Variants in SFMBT2 observed in about 807,000 individuals in gnomAD.
SFMBT2 encodes scm-like with four MBT domains protein 2.
A neutral mutation model predicts 110.1 loss-of-function variants in SFMBT2; 38 were observed. The ratio of observed to expected loss-of-function variants is 0.35; its 90% CI spans 0.27 to 0.45. The LOEUF (loss-of-function observed/expected upper bound fraction) is 0.45, where lower values mean the gene tolerates loss of function less well. Among genes scored for constraint, SFMBT2 ranks in the 20% least tolerant of loss-of-function variants. The probability of loss-of-function intolerance (pLI) is 1.00; values close to 1 mark genes in which losing one functional copy is unlikely to be tolerated. For synonymous variants in SFMBT2, 425 were observed against 425.4 expected (o/e 1.00, Z 0.01); for missense variants, 1,011 against 1,094.9 (o/e 0.92, Z 1.08).
intron 2 of SFMBT2, among the ~76,000 whole-genome samples, chr10:7,372,000 C>T (rs966072067): frequency 2.1e-5 from 3 of 143,404 alleles, no homozygotes; most frequent in Admixed American, 7.4e-5. Context: ...GATCTCAGCT[C>T]ACTACAACCT....
At chr10:7,202,722 T>C (rs2131605760) in intron 12 of SFMBT2, 200 bp from the exon 13 acceptor site, 1 of 985,442 alleles carries the variant, frequency 1.0e-6, no homozygotes, top group Non-Finnish European at 1.2e-6. Context: ...TGTCAGATCT[T>C]AGTACAACTT....
intron 11 of SFMBT2, chr10:7,206,780 A>G (rs1839150223): frequency 2.3e-6 from 2 of 860,750 alleles, no homozygotes; most frequent in Non-Finnish European, 2.8e-6. Flanking sequence ...GAACTAGTTA[A>G]AAGAAGAAAA....
chr10:7,403,529 C>T (rs1008100763), intron 1 of SFMBT2, among the ~76,000 whole-genome samples: 1 of 152,112 alleles, frequency 6.6e-6, no homozygotes, highest in African/African-American at 2.4e-5. Flanking sequence ...GTAGTTCCAG[C>T]TACTTGGGAG....
intron 15 of SFMBT2, among the ~76,000 whole-genome samples, chr10:7,193,940 G>A (rs79321762): frequency 0.062 from 9,415 of 152,230 alleles, 397 homozygotes; most frequent in Non-Finnish European, 0.088. Context: ...GGTTGGGGTA[G>A]AAGGATTTGG....
chr10:7,363,484 G>A (rs897772791), intron 4 of SFMBT2, among the ~76,000 whole-genome samples: 2 of 152,078 alleles, frequency 1.3e-5, no homozygotes, highest in Non-Finnish European at 2.9e-5. Flanking sequence ...GAGTAGCTGG[G>A]ATTACAGGCA....
At chr10:7,330,957 GCTA>G (rs1843544444) in intron 4 of SFMBT2, among the ~76,000 whole-genome samples, 1 of 152,202 alleles carries the variant, frequency 6.6e-6, no homozygotes, top group South Asian at 2.1e-4. Context: ...TTCAAGCCCA[GCTA>G]CTGTCCAGCT....
chr10:7,198,207 T>C (rs1352795218), intron 14 of SFMBT2: 4 of 940,916 alleles, frequency 4.3e-6, no homozygotes, highest in Admixed American at 6.2e-5. Flanking sequence ...TTCTGAGATA[T>C]ATCCAAGTTG....
At chr10:7,276,823 G>C in intron 7 of SFMBT2, 69 bp downstream of exon 7, 2 of 796,476 alleles carry the variant, frequency 2.5e-6, no homozygotes, top group Non-Finnish European at 4.6e-6. Context: ...ACTGCGCCCG[G>C]CCGGAAAACT....
rs1038844886 is a variant in SFMBT2 at position 7,171,541 on chromosome 10, C to T, written c.2415+354G>A. The T allele has an allele frequency of 1.0e-5, 10 of 985,210 alleles. No homozygotes were observed. The highest frequency in any genetic ancestry group is 6.2e-5 in the Admixed American group (1 of 16,258). 61.0% of individuals were successfully genotyped at this position (985,210 alleles called of 1,614,324 possible). On this transcript the variant is annotated intron_variant, in intron 19 of 20. Coordinates refer to ENST00000397167, the MANE Select transcript of SFMBT2 (RefSeq NM_001387889.1). This position sits in a 1 kb window ranked among gnomAD's most constrained non-coding sequence, Gnocchi z 4.9. ...TCACAGAGGTGTCCTATAGAGGGGA[C>T]GTGGGAGCAAGACACAGCGCAGTCA...
At chr10:7,197,805 G>T (rs1188954000) in intron 14 of SFMBT2, 118 bp from the exon 15 acceptor site, 1 of 1,369,248 alleles carries the variant, frequency 7.3e-7, no homozygotes, top group South Asian at 1.7e-5. Flanking sequence ...GCTGTCCGAG[G>T]TCTTGGCTGA....
chr10:7,327,052 C>T (rs1005828299), intron 4 of SFMBT2, among the ~76,000 whole-genome samples: 8 of 150,680 alleles, frequency 5.3e-5, no homozygotes, highest in Middle Eastern at 3.4e-3. Flanking sequence ...GTCCTTCATA[C>T]GAGGGACTTT....
chr10:7,391,465 CA>C (rs1197734483), intron 1 of SFMBT2, among the ~76,000 whole-genome samples: 1,292 of 81,202 alleles, frequency 0.016, 14 homozygotes, highest in African/African-American at 0.043. Context: ...GACTCTGTCT[CA>C]AAAAAAAAAA....
chr10:7,392,965 T>C (rs1845809742), intron 1 of SFMBT2, among the ~76,000 whole-genome samples: 2 of 139,992 alleles, frequency 1.4e-5, no homozygotes, highest in African/African-American at 5.1e-5. Flanking sequence ...ATCCTATATA[T>C]ACAAGTATGT....
chr10:7,286,458 A>G, intron 4 of SFMBT2: 1 of 701,262 alleles, frequency 1.4e-6, no homozygotes, highest in Non-Finnish European at 1.8e-6. Context: ...AAATGGGGAG[A>G]ATAAGTAGTC....
At chr10:7,246,821 C>G (rs542135035) in intron 8 of SFMBT2, among the ~76,000 whole-genome samples, 21 of 150,644 alleles carry the variant, frequency 1.4e-4, no homozygotes, top group Admixed American at 1.3e-3. Flanking sequence ...GGTGAAGCGA[C>G]TCTGTAGCGT....
At chr10:7,180,079 T>C (rs1341044199) in intron 16 of SFMBT2, among the ~76,000 whole-genome samples, 1 of 151,936 alleles carries the variant, frequency 6.6e-6, no homozygotes, top group Non-Finnish European at 1.5e-5. Context: ...TTGCCCCACC[T>C]GCTGGGAGAA....
At chr10:7,207,060 T>G in intron 11 of SFMBT2, 1 of 237,970 alleles carries the variant, frequency 4.2e-6, no homozygotes, top group Non-Finnish European at 6.8e-6. Flanking sequence ...ACCTCATCTC[T>G]ACAAAAAATA....
intron 4 of SFMBT2, among the ~76,000 whole-genome samples, chr10:7,333,482 T>A (rs1208400244): frequency 6.6e-6 from 1 of 151,316 alleles, no homozygotes; most frequent in Non-Finnish European, 1.5e-5. Flanking sequence ...CACCTCGAAT[T>A]CCTAGACTCA....
intron 6 of SFMBT2, among the ~76,000 whole-genome samples, chr10:7,283,459 T>A (rs1367873499): frequency 6.6e-6 from 1 of 150,630 alleles, no homozygotes; most frequent in Non-Finnish European, 1.5e-5. Context: ...GATAGGTGGA[T>A]GAATGGATGG....
Sources: gnomAD v4.1 joint callset for allele counts (sites outside exome capture counted in the v4.1 genomes callset) on GRCh38, gnomAD v4.1.1 for gene constraint, Gnocchi (gnomAD v3.1) non-coding constraint, MANE v1.5 for transcripts, NCBI Gene and HGNC (gene_info 2026-07-23, HGNC 2026-07-21) for gene names.